Variants in GBE1 observed in about 807,000 individuals in gnomAD.
The protein encoded by GBE1 is 1,4-alpha-glucan-branching enzyme.
Under a neutral mutation model 88.8 loss-of-function variants are expected in GBE1, and 70 were observed. The observed-to-expected ratio is 0.79, with a 90% CI of 0.65 to 0.96. The LOEUF (loss-of-function observed/expected upper bound fraction) is 0.96. Ranked by LOEUF, GBE1 falls within the 40% of genes least tolerant of loss-of-function variation. GBE1 has a pLI of 0.00. For missense variants in GBE1, 872 were observed against 871.0 expected (o/e 1.00, Z -0.01); for synonymous variants, 284 against 300.1 (o/e 0.95, Z 0.56).
Position 81,537,200 on chromosome 3 carries a change from G to C in GBE1, c.1619-105C>G, listed in dbSNP as rs1703089788. On this transcript the variant is annotated intron_variant, in intron 12 of 15. Coordinates refer to ENST00000429644, the MANE Select transcript of GBE1 (RefSeq NM_000158.4). ...TTTAATGTTTTTTAAATTTAGTTTA[G>C]GCTATCATTTACTAGACCTGTGTCC... The C allele has an allele frequency of 8.8e-6, 7 of 796,300 alleles. 1 individual carries two copies. In the South Asian group the frequency reaches 2.1e-4, roughly 24 times the overall value. The allele number at this position is 796,300 out of a possible 1,614,324, so 49.3% of individuals were successfully genotyped here. A position where few individuals can be genotyped will look rare whatever the true frequency, so the allele number is the denominator to read the frequency against.
rs928332166 is a variant in GBE1, at chr3:81,490,236, A to T, written c.*171T>A. 10 of 600,146 alleles carry T rather than the reference A, an allele frequency of 1.7e-5. No homozygotes were observed. The highest frequency in any genetic ancestry group is 3.8e-5 in the African/African-American group (2 of 52,620). 37.2% of individuals were successfully genotyped at this position (600,146 alleles called of 1,614,324 possible). ...ATATTTTAAACATATTCTCCCATCT[A>T]CTTAAATAAAAGTTTGCTGTATTTG... On this transcript the variant is annotated 3_prime_UTR_variant, in exon 16 of 16. Coordinates refer to ENST00000429644, the MANE Select transcript of GBE1 (RefSeq NM_000158.4).
chr3:81,591,323 A>T (rs998083720), intron 8 of GBE1, among the ~76,000 whole-genome samples, 159 bp from the exon 9 acceptor site: 1 of 152,214 alleles, frequency 6.6e-6, no homozygotes, highest in Non-Finnish European at 1.5e-5. Context: ...AAAGTACTAC[A>T]TGTCAACATT....
intron 2 of GBE1, among the ~76,000 whole-genome samples, chr3:81,694,486 G>A (rs1465443272): frequency 2.6e-5 from 4 of 152,100 alleles, no homozygotes; most frequent in Non-Finnish European, 5.9e-5. Context: ...CAAAGGAGGA[G>A]GGGAGAATTC....
chr3:81,706,152 G>A (rs1705773162), intron 1 of GBE1, among the ~76,000 whole-genome samples: 1 of 152,172 alleles, frequency 6.6e-6, no homozygotes, highest in African/African-American at 2.4e-5. Flanking sequence ...TGGACAAAAA[G>A]TTAATGAGTG....
At chr3:81,746,775 A>T (rs900796964) in intron 1 of GBE1, among the ~76,000 whole-genome samples, 3 of 152,218 alleles carry the variant, frequency 2.0e-5, no homozygotes, top group Non-Finnish European at 2.9e-5. Flanking sequence ...CACCTACTTG[A>T]GAATAAATTC....
intron 1 of GBE1, among the ~76,000 whole-genome samples, chr3:81,738,527 T>TG (rs1044735092): frequency 4.2e-5 from 6 of 142,664 alleles, no homozygotes; most frequent in Admixed American, 2.0e-4. Context: ...AAAATGTGTG[T>TG]TTTTTTTTTA....
rs1702735551 is a variant in GBE1 at position 81,512,255 on chromosome 3, A to G, written c.1935-13028T>C. 9.2e-5 allele frequency among the ~76,000 whole-genome samples: 14 copies of G among 151,818 alleles called. No individual in the cohort carries two copies. The South Asian group carries it at 2.9e-3, about 31-fold the overall frequency. On this transcript the variant is annotated intron_variant, in intron 14 of 15. Transcript: ENST00000429644. Reference sequence around the variant, plus strand: ...ATACCTACTGGGTGCTATGCTCACTACCTGGCTGATAGGATCATTCACAAC... The same window carrying G: ...ATACCTACTGGGTGCTATGCTCACTGCCTGGCTGATAGGATCATTCACAAC...
rs772349876 is a variant in GBE1 at position 81,642,779 on chromosome 3, A to C, written c.992+2T>G. On this transcript the variant is annotated splice_donor_variant, in intron 7 of 15. Coordinates refer to ENST00000429644, the MANE Select transcript of GBE1 (RefSeq NM_000158.4). LOFTEE classifies it high-confidence loss of function. ...AAACATTTCTATATTGTATGTACCT[A>C]CCTGGAGTAGGCAAACAATCTGCTA... 6.3e-7 allele frequency: 1 copy of C among 1,577,304 alleles called. No individual in the cohort carries two copies. Among genetic ancestry groups the C allele is most frequent in the Admixed American group, 1.7e-5 (1 of 59,912 alleles).
At chr3:81,519,711 A>G (rs1216813620) in intron 14 of GBE1, among the ~76,000 whole-genome samples, 1 of 151,428 alleles carries the variant, frequency 6.6e-6, no homozygotes, top group African/African-American at 2.4e-5. Flanking sequence ...AAAAATCACA[A>G]TAATTGAACT....
chr3:81,619,371 G>A (rs1704294525), intron 7 of GBE1, among the ~76,000 whole-genome samples: 1 of 152,004 alleles, frequency 6.6e-6, no homozygotes, highest in South Asian at 2.1e-4. Flanking sequence ...ATGGTCTTCT[G>A]CTATATCTAT....
intron 12 of GBE1, among the ~76,000 whole-genome samples, chr3:81,542,862 AT>A (rs1445550208): frequency 6.6e-6 from 1 of 152,128 alleles, no homozygotes; most frequent in African/African-American, 2.4e-5. Context: ...AGTTGAAATT[AT>A]TTTTAAAAAG....
At chr3:81,685,622 TC>T (rs1283899553) in intron 2 of GBE1, among the ~76,000 whole-genome samples, 1 of 152,112 alleles carries the variant, frequency 6.6e-6, no homozygotes, top group Non-Finnish European at 1.5e-5. Flanking sequence ...TCTCAGGCGA[TC>T]CATCTGTCTC....
chr3:81,698,688 G>T (rs1344438727), intron 2 of GBE1, among the ~76,000 whole-genome samples: 4 of 152,134 alleles, frequency 2.6e-5, no homozygotes, highest in Non-Finnish European at 5.9e-5. Context: ...GGAGGAAACT[G>T]ACACACAGTA....
intron 12 of GBE1, among the ~76,000 whole-genome samples, chr3:81,551,836 A>G (rs1232747957): frequency 1.3e-5 from 2 of 152,210 alleles, no homozygotes; most frequent in Admixed American, 1.3e-4. Context: ...CAGGGTTCAC[A>G]GTGATATGAG....
chr3:81,690,851 T>C (rs1705509636), intron 2 of GBE1, among the ~76,000 whole-genome samples: 1 of 152,188 alleles, frequency 6.6e-6, no homozygotes, highest in African/African-American at 2.4e-5. Flanking sequence ...TGTCTTGCTA[T>C]ATTATTGTCC....
chr3:81,756,379 T>C (rs941233357), intron 1 of GBE1, among the ~76,000 whole-genome samples: 1 of 152,172 alleles, frequency 6.6e-6, no homozygotes, highest in Non-Finnish European at 1.5e-5. Context: ...GACTCACTGG[T>C]ATGGCACAAA....
intron 6 of GBE1, among the ~76,000 whole-genome samples, chr3:81,643,908 C>T (rs1028455943): frequency 2.0e-5 from 3 of 152,140 alleles, no homozygotes; most frequent in East Asian, 1.9e-4. Flanking sequence ...TTGTCCTGAT[C>T]GTGGCCTACT....
intron 12 of GBE1, among the ~76,000 whole-genome samples, chr3:81,573,781 G>C (rs1703607200): frequency 6.6e-6 from 1 of 151,308 alleles, no homozygotes; most frequent in African/African-American, 2.4e-5. Context: ...CTCTCTGTGT[G>C]TGTGTGTGTG....
At chr3:81,719,877 A>C (rs1368806979) in intron 1 of GBE1, among the ~76,000 whole-genome samples, 10 of 152,174 alleles carry the variant, frequency 6.6e-5, no homozygotes, top group Non-Finnish European at 1.2e-4. Context: ...ATATCAACAA[A>C]CCCAATCACA....
Sources: allele counts gnomAD v4.1 joint callset (sites outside exome capture counted in the v4.1 genomes callset), GRCh38; gene constraint gnomAD v4.1.1; transcripts MANE v1.5; gene names NCBI Gene and HGNC (gene_info 2026-07-23, HGNC 2026-07-21).